STPG2: variants seen among roughly 807,000 people sequenced by gnomAD.
STPG2 encodes the protein sperm tail PG-rich repeat containing 2.
A neutral mutation model predicts 54.2 loss-of-function variants in STPG2; 56 were observed. The ratio of observed to expected loss-of-function variants is 1.03; its 90% confidence interval spans 0.83 to 1.29. The LOEUF is 1.29. Ranked by LOEUF, STPG2 falls within the 50% of genes most tolerant of loss-of-function variation. The pLI is 0.00. For missense variants in STPG2, 596 were observed against 544.9 expected, an observed-to-expected ratio of 1.09 and a Z score of -0.93; for synonymous variants, 200 against 181.8, an observed-to-expected ratio of 1.10 and a Z score of -0.81.
chr4:97,485,340 C>T (rs748744931), intron 4 of STPG2, among the ~76,000 whole-genome samples: 25 of 151,628 alleles, frequency 1.6e-4, no homozygotes, highest in Non-Finnish European at 5.9e-5. Context: ...TCCTAGAACT[C>T]GTATAAGAAT....
chr4:97,904,919 A>G lies in STPG2; in HGVS notation c.1044+38978T>C, dbSNP rs1309828642. Among the ~76,000 whole-genome samples the G allele has an allele frequency of 2.0e-5, 3 of 152,224 alleles. No individual in the cohort carries two copies. The East Asian group carries it at 5.8e-4, about 29-fold the overall frequency. On this transcript the variant is annotated intron_variant, in intron 8 of 10. Coordinates refer to ENST00000295268, the MANE Select transcript of STPG2 (RefSeq NM_174952.3). ...GGAACTTTAGAGAAAAAGAATAAAA[A>G]GAAACGAGCAAAGCCTCCAAGAAAT...
intron 10 of STPG2, among the ~76,000 whole-genome samples, chr4:97,708,356 T>TA (rs941681190): frequency 3.3e-5 from 5 of 151,994 alleles, no homozygotes; most frequent in Non-Finnish European, 7.4e-5. Context: ...AAATAATTTC[T>TA]AAAAAAATTA....
chr4:97,747,947 C>T (rs1725469786), intron 9 of STPG2, among the ~76,000 whole-genome samples: 1 of 151,370 alleles, frequency 6.6e-6, no homozygotes, highest in African/African-American at 2.4e-5. Flanking sequence ...AAAACCATGG[C>T]TAGTAAGACA....
chr4:97,513,262 G>T (rs1018333534), intron 4 of STPG2, among the ~76,000 whole-genome samples: 1 of 152,068 alleles, frequency 6.6e-6, no homozygotes, highest in Non-Finnish European at 1.5e-5. Flanking sequence ...CTCTAGGCAT[G>T]GCACCCTCCA....
chr4:97,503,220 G>A (rs1161897105), intron 4 of STPG2, among the ~76,000 whole-genome samples: 1 of 151,880 alleles, frequency 6.6e-6, no homozygotes, highest in Non-Finnish European at 1.5e-5. Context: ...CTATAAGCTA[G>A]TTATTCAAAC....
chr4:98,116,893 A>C lies in STPG2; in HGVS notation c.388-7588T>G, dbSNP rs144071984. Among the ~76,000 whole-genome samples, 810 of 152,130 alleles carry C rather than the reference A, an allele frequency of 5.3e-3. 12 individuals carry two copies. Among genetic ancestry groups the C allele is most frequent in the African/African-American group, 0.019 (777 of 41,558 alleles). On this transcript the variant is annotated intron_variant, in intron 3 of 10. Transcript: ENST00000295268. ...GTTTTATAGCATGAAACAATCCATT[A>C]GTCTTAAAATATCTGCCTACTACTG... is the stretch of plus-strand genomic sequence containing the variant.
chr4:97,911,102 G>C (rs1275614991), intron 8 of STPG2, among the ~76,000 whole-genome samples: 1 of 152,186 alleles, frequency 6.6e-6, no homozygotes, highest in Admixed American at 6.5e-5. Flanking sequence ...GTGATTGTGC[G>C]ACCCTGCCTG....
At chr4:97,800,011 G>A (rs555885471) in intron 9 of STPG2, among the ~76,000 whole-genome samples, 1 of 152,142 alleles carries the variant, frequency 6.6e-6, no homozygotes, top group African/African-American at 2.4e-5. Flanking sequence ...CGTAGTTCTC[G>A]TGCCATGGTT....
intron 9 of STPG2, among the ~76,000 whole-genome samples, chr4:97,739,319 C>G (rs531139641): frequency 6.6e-6 from 1 of 152,004 alleles, no homozygotes; most frequent in Non-Finnish European, 1.5e-5. Flanking sequence ...AAAGCAAGAG[C>G]AAACACATTC....
intron 5 of STPG2, among the ~76,000 whole-genome samples, chr4:98,096,844 G>A (rs1157060404): frequency 6.6e-6 from 1 of 152,076 alleles, no homozygotes; most frequent in Non-Finnish European, 1.5e-5. Context: ...TGGCTACTAT[G>A]AGCAACTATA....
At chr4:97,487,842 A>G (rs1730405796) in intron 4 of STPG2, among the ~76,000 whole-genome samples, 1 of 151,548 alleles carries the variant, frequency 6.6e-6, no homozygotes, top group South Asian at 2.1e-4. Context: ...AATGAGTAAA[A>G]TGCACCAATT....
chr4:97,856,326 C>A (rs6810536), intron 8 of STPG2, among the ~76,000 whole-genome samples: 3 of 152,054 alleles, frequency 2.0e-5, no homozygotes, highest in African/African-American at 7.2e-5. Flanking sequence ...TGTTTGTGTC[C>A]TCTCTTATAT....
chr4:97,474,162 A>G (rs914094402), intron 4 of STPG2, among the ~76,000 whole-genome samples: 1 of 152,052 alleles, frequency 6.6e-6, no homozygotes, highest in South Asian at 2.1e-4. Context: ...TGTTGATTGA[A>G]GGGTTGTCTG....
intron 9 of STPG2, among the ~76,000 whole-genome samples, chr4:97,721,848 C>A (rs973231553): frequency 6.6e-6 from 1 of 151,936 alleles, no homozygotes. Context: ...TCAGAGTAAA[C>A]ATTTAAACAA....
intron 9 of STPG2, among the ~76,000 whole-genome samples, chr4:97,783,163 A>AT (rs1273975776): frequency 6.6e-6 from 1 of 152,138 alleles, no homozygotes; most frequent in Non-Finnish European, 1.5e-5. Context: ...ATGGGAGAAA[A>AT]TTTTTGCAAT....
chr4:97,947,509 T>C lies in STPG2; in HGVS notation c.934-3502A>G, dbSNP rs114303728. On this transcript the variant is annotated intron_variant, in intron 7 of 10. Coordinates refer to ENST00000295268, the MANE Select transcript of STPG2 (RefSeq NM_174952.3). Reference sequence around the variant, plus strand: ...AGTTCTCAGTGGGAATGATTTCAACTTTTCCTCATTCAATATAATGTTGGC... The same window carrying C: ...AGTTCTCAGTGGGAATGATTTCAACCTTTCCTCATTCAATATAATGTTGGC... 2.5e-3 allele frequency among the ~76,000 whole-genome samples: 387 copies of C among 152,254 alleles called. 3 individuals are homozygous for C. The highest frequency in any genetic ancestry group is 8.7e-3 in the African/African-American group (363 of 41,552).
chr4:97,788,415 T>A (rs984997877), intron 9 of STPG2, among the ~76,000 whole-genome samples: 1 of 152,142 alleles, frequency 6.6e-6, no homozygotes, highest in African/African-American at 2.4e-5. Context: ...TCATTCTTTT[T>A]CATGGCTGAG....
At chr4:98,108,457 T>C (rs1739249016) in intron 4 of STPG2, among the ~76,000 whole-genome samples, 1 of 152,132 alleles carries the variant, frequency 6.6e-6, no homozygotes, top group African/African-American at 2.4e-5. Flanking sequence ...AATAGAGTTA[T>C]TTTGCCAGAA....
At chr4:97,573,152 C>T (rs1044675742) in intron 10 of STPG2, among the ~76,000 whole-genome samples, 5 of 151,778 alleles carry the variant, frequency 3.3e-5, no homozygotes, top group African/African-American at 1.2e-4. Flanking sequence ...TCTTCTTTAC[C>T]TCAAGTTTCT....
Sources: allele counts gnomAD v4.1 joint callset (sites outside exome capture counted in the v4.1 genomes callset), GRCh38; gene constraint gnomAD v4.1.1; transcripts MANE v1.5; gene names NCBI Gene and HGNC (gene_info 2026-07-23, HGNC 2026-07-21).